Variants in GLDC observed in about 807,000 individuals in gnomAD.
The protein encoded by GLDC is glycine dehydrogenase (decarboxylating), mitochondrial.
In GLDC, 104 loss-of-function variants were observed where a neutral mutation model predicts 121.3. The ratio of observed to expected loss-of-function variants is 0.86; its 90% CI spans 0.73 to 1.01. GLDC has a LOEUF of 1.01. Ranked by LOEUF, GLDC falls within the 50% of genes least tolerant of loss-of-function variation. GLDC has a pLI of 0.00. For missense variants in GLDC, 1,429 were observed against 1,306.6 expected (o/e 1.09, Z -1.44); for synonymous variants, 546 against 480.6 (o/e 1.14, Z -1.78).
intron 21 of GLDC, 146 bp from the exon 22 acceptor site, chr9:6,540,292 A>G: frequency 1.5e-6 from 1 of 678,238 alleles, no homozygotes; most frequent in Admixed American, 2.3e-5. Flanking sequence ...GGGTAAGTTT[A>G]TTATTGGCAA....
intron 15 of GLDC, among the ~76,000 whole-genome samples, chr9:6,576,288 T>C (rs1200386688): frequency 6.6e-6 from 1 of 152,268 alleles, no homozygotes; most frequent in East Asian, 1.9e-4. Flanking sequence ...TCCTGGTTCA[T>C]AGATAGCTGT....
intron 3 of GLDC, among the ~76,000 whole-genome samples, chr9:6,617,012 T>C (rs1210539420): frequency 6.6e-6 from 1 of 152,238 alleles, no homozygotes; most frequent in Non-Finnish European, 1.5e-5. Context: ...ACCCATAAAA[T>C]AAATTCTAGA....
intron 5 of GLDC, 93 bp from the exon 6 acceptor site, chr9:6,605,371 C>A (rs928260878): frequency 7.4e-7 from 1 of 1,350,752 alleles, no homozygotes. Flanking sequence ...CATTCATTTT[C>A]TGTGCCCTCC....
rs145789459 is a variant in GLDC at position 6,608,467 on chromosome 9, T to G, written c.635+1725A>C. On this transcript the variant is annotated intron_variant, in intron 4 of 24. Transcript: ENST00000321612. ...AACAAATAAATTAACTCGGCCGGGC[T>G]CAGTGGCTCACGCCTATAATCCCAG... Among the ~76,000 whole-genome samples the G allele has an allele frequency of 4.5e-3, 644 of 141,596 alleles. 3 individuals are homozygous for G. The highest frequency in any genetic ancestry group is 0.015 in the African/African-American group (596 of 38,550). 92.9% of individuals were successfully genotyped at this position (141,596 alleles called of 152,430 possible).
chr9:6,603,303 G>A (rs987873491), intron 7 of GLDC, among the ~76,000 whole-genome samples: 1 of 151,548 alleles, frequency 6.6e-6, no homozygotes, highest in Non-Finnish European at 1.5e-5. Flanking sequence ...CATAACATTA[G>A]GTGTTAATAA....
intron 15 of GLDC, chr9:6,565,656 C>T: frequency 1.6e-6 from 1 of 621,298 alleles, no homozygotes; most frequent in Admixed American, 2.6e-5. Context: ...TCAACCACTC[C>T]TACCCAAAGA....
At chr9:6,572,794 C>T (rs1817991167) in intron 15 of GLDC, among the ~76,000 whole-genome samples, 3 of 152,168 alleles carry the variant, frequency 2.0e-5, no homozygotes, top group Non-Finnish European at 2.9e-5. Context: ...CCAATAACTT[C>T]CCTGTAAATT....
chr9:6,603,708 C>T (rs1168627527), intron 7 of GLDC, among the ~76,000 whole-genome samples: 1 of 150,654 alleles, frequency 6.6e-6, no homozygotes, highest in African/African-American at 2.5e-5. Flanking sequence ...GCATCTAGGT[C>T]CCCCGCTCCT....
chr9:6,614,826 A>G (rs1269285282), intron 3 of GLDC, among the ~76,000 whole-genome samples: 1 of 152,226 alleles, frequency 6.6e-6, no homozygotes, highest in Admixed American at 6.5e-5. Flanking sequence ...ATAGCCTACT[A>G]CACACCTAGG....
At chr9:6,570,555 T>G (rs1159188622) in intron 15 of GLDC, among the ~76,000 whole-genome samples, 2 of 152,194 alleles carry the variant, frequency 1.3e-5, no homozygotes, top group Non-Finnish European at 2.9e-5. Flanking sequence ...ATATTTGAAC[T>G]TCTTAAGAAG....
At chr9:6,600,337 T>G (rs1818579714) in intron 8 of GLDC, among the ~76,000 whole-genome samples, 1 of 149,730 alleles carries the variant, frequency 6.7e-6, no homozygotes, top group South Asian at 2.1e-4. Flanking sequence ...GCCATGCCAC[T>G]GCACTCCAGA....
At chr9:6,630,254 G>A (rs980161947) in intron 2 of GLDC, among the ~76,000 whole-genome samples, 2 of 151,902 alleles carry the variant, frequency 1.3e-5, no homozygotes. Context: ...GGGTGACAAA[G>A]CGAGACTCTG....
At chr9:6,546,061 T>G (rs1000262283) in intron 21 of GLDC, among the ~76,000 whole-genome samples, 1 of 152,272 alleles carries the variant, frequency 6.6e-6, no homozygotes, top group Non-Finnish European at 1.5e-5. Context: ...TTCAATGTCC[T>G]TATTCTATAT....
intron 8 of GLDC, among the ~76,000 whole-genome samples, chr9:6,600,992 G>A (rs1818597774): frequency 6.6e-6 from 1 of 152,112 alleles, no homozygotes; most frequent in Non-Finnish European, 1.5e-5. Flanking sequence ...GGCCAAGATG[G>A]TGAAACCCCG....
At chr9:6,594,431 C>G (rs919855169) in intron 9 of GLDC, among the ~76,000 whole-genome samples, 1 of 152,042 alleles carries the variant, frequency 6.6e-6, no homozygotes, top group Non-Finnish European at 1.5e-5. Context: ...CATGGTGGCT[C>G]ACGCCTGTAA....
At chr9:6,593,330 T>A (rs1359227965) in intron 9 of GLDC, among the ~76,000 whole-genome samples, 1 of 151,584 alleles carries the variant, frequency 6.6e-6, no homozygotes, top group Non-Finnish European at 1.5e-5. Flanking sequence ...TCTCACTCTG[T>A]TGTCCAGGCT....
intron 2 of GLDC, among the ~76,000 whole-genome samples, chr9:6,638,545 T>C (rs1195588272): frequency 2.6e-5 from 4 of 152,178 alleles, no homozygotes; most frequent in South Asian, 2.1e-4. Flanking sequence ...TGAGAAGATA[T>C]ATTCCAACTC....
chr9:6,637,092 T>G (rs1231138929), intron 2 of GLDC, among the ~76,000 whole-genome samples: 1 of 150,148 alleles, frequency 6.7e-6, no homozygotes, highest in African/African-American at 2.5e-5. Flanking sequence ...TGTTTGTTTT[T>G]TTTTTTAAAA....
In GLDC at chr9:6,592,982, G is replaced by C; in HGVS notation, c.1270C>G (p.Arg424Gly). The change falls in exon 10 of 25, where the codon CGA (arginine) becomes GGA (glycine). Residue 424 changes from arginine to glycine, a missense_variant. Arg to Gly is a moderately radical substitution (Grantham distance 125). Coordinates refer to ENST00000321612, the MANE Select transcript of GLDC (RefSeq NM_000170.3). Reference protein sequence around the residue: ...ATLILSEGLKRAGHQLQHDLF... With the variant: ...ATLILSEGLKGAGHQLQHDLF... ...TCATGCTGGAGTTGATGCCCTGCTC[G>C]CTTGAGACCTACACAAGATAGGAGA... The C allele has an allele frequency of 6.2e-7, 1 of 1,602,980 alleles. No homozygotes were observed. The highest frequency in any genetic ancestry group is 1.1e-5 in the South Asian group (1 of 89,534).
Sources: gnomAD v4.1 joint callset for allele counts (sites outside exome capture counted in the v4.1 genomes callset) on GRCh38, gnomAD v4.1.1 for gene constraint, MANE v1.5 for transcripts, NCBI Gene and HGNC (gene_info 2026-07-23, HGNC 2026-07-21) for gene names.